The following PLCB1 variants were observed in gnomAD, a reference collection of about 807,000 sequenced individuals.
The protein encoded by PLCB1 is 1-phosphatidylinositol 4,5-bisphosphate phosphodiesterase beta-1.
Under a neutral mutation model 161.8 loss-of-function variants are expected in PLCB1, and 46 were observed. The observed-to-expected ratio is 0.28, with a 90% CI of 0.22 to 0.36. The LOEUF (loss-of-function observed/expected upper bound fraction) is 0.36. PLCB1 is among the 10% of genes least tolerant of loss of function. The probability of loss-of-function intolerance (pLI) is 1.00; values close to 1 mark genes in which losing one functional copy is unlikely to be tolerated. For missense variants in PLCB1, 1,016 were observed against 1,472.5 expected, an observed-to-expected ratio of 0.69 and a Z score of 5.07; for synonymous variants, 517 against 503.7, an observed-to-expected ratio of 1.03 and a Z score of -0.35.
intron 2 of PLCB1, among the ~76,000 whole-genome samples, chr20:8,176,500 G>A (rs776407837): frequency 2.6e-5 from 4 of 152,190 alleles, no homozygotes; most frequent in Admixed American, 1.3e-4. Context: ...CAGGGAGGGA[G>A]GCTGCTGTAG....
intron 3 of PLCB1, among the ~76,000 whole-genome samples, chr20:8,587,121 G>A (rs1366490290): frequency 6.6e-6 from 1 of 151,696 alleles, no homozygotes; most frequent in Admixed American, 6.6e-5. Context: ...AAATTGTAAG[G>A]GCAAAAATGA....
At chr20:8,162,338 T>C (rs537877791) in intron 2 of PLCB1, among the ~76,000 whole-genome samples, 1 of 152,334 alleles carries the variant, frequency 6.6e-6, no homozygotes, top group South Asian at 2.1e-4. Context: ...AATGACCTTA[T>C]ATAACTATTT....
chr20:8,581,780 T>C (rs1344397667), intron 3 of PLCB1, among the ~76,000 whole-genome samples: 1 of 152,118 alleles, frequency 6.6e-6, no homozygotes, highest in Admixed American at 6.5e-5. Flanking sequence ...AGCTATTGAG[T>C]ATTTCTACTC....
Position 8,732,514 on chromosome 20 carries a change from CATTATATTCTAATATATTGTATTAGAT to C in PLCB1, c.1889-668_1889-642del, listed in dbSNP as rs1217163318. On this transcript the variant is annotated intron_variant, in intron 18 of 31. Transcript: ENST00000338037. ...TGCCCAAAAGGGGAATGGTTAAATA[CATTATATTCTAATATATTGTATTAGAT>C]ATTATATTCTAATATATTGTATTAG... 6.2e-3 allele frequency among the ~76,000 whole-genome samples: 921 copies of C among 147,926 alleles called. 9 individuals carry two copies. The highest frequency in any genetic ancestry group is 0.021 in the African/African-American group (846 of 40,646).
chr20:8,870,872 A>C (rs1987584962), intron 31 of PLCB1, among the ~76,000 whole-genome samples: 1 of 152,242 alleles, frequency 6.6e-6, no homozygotes, highest in Non-Finnish European at 1.5e-5. Flanking sequence ...GTTGTTGAGG[A>C]AGGAAGAGAA....
At chr20:8,333,759 T>C (rs1985456897) in intron 2 of PLCB1, among the ~76,000 whole-genome samples, 1 of 152,236 alleles carries the variant, frequency 6.6e-6, no homozygotes, top group Non-Finnish European at 1.5e-5. Context: ...TTGTGACATG[T>C]AGTTCAATTC....
chr20:8,477,785 G>A (rs575712936), intron 3 of PLCB1, among the ~76,000 whole-genome samples: 3 of 152,310 alleles, frequency 2.0e-5, no homozygotes, highest in South Asian at 2.1e-4. Flanking sequence ...TCACCAGGGC[G>A]ATGGCGCCAA....
At chr20:8,741,318 G>A in intron 22 of PLCB1, 146 bp from the exon 23 acceptor site, 3 of 601,242 alleles carry the variant, frequency 5.0e-6, no homozygotes, top group Non-Finnish European at 9.1e-6. Context: ...ATAATGACTG[G>A]GTGGATGGAT....
intron 1 of PLCB1, among the ~76,000 whole-genome samples, chr20:8,140,758 G>C (rs1370920921): frequency 1.3e-5 from 2 of 151,878 alleles, no homozygotes; most frequent in Non-Finnish European, 2.9e-5. Context: ...CCCCGAACAG[G>C]GTCCTTTTAG....
At chr20:8,878,539 C>A (rs1987858170) in intron 31 of PLCB1, among the ~76,000 whole-genome samples, 1 of 151,744 alleles carries the variant, frequency 6.6e-6, no homozygotes, top group Admixed American at 6.6e-5. Flanking sequence ...TCCATCATAG[C>A]CACATGAGTC....
chr20:8,482,370 G>A (rs934871537), intron 3 of PLCB1, among the ~76,000 whole-genome samples: 15 of 152,012 alleles, frequency 9.9e-5, no homozygotes, highest in Admixed American at 8.5e-4. Context: ...CCAAAGTGGT[G>A]GGATTATAGG....
intron 26 of PLCB1, among the ~76,000 whole-genome samples, chr20:8,767,758 T>C (rs1025364185): frequency 2.0e-5 from 3 of 152,202 alleles, no homozygotes; most frequent in Non-Finnish European, 2.9e-5. Context: ...TAGCATTTCA[T>C]TGAGTGTCAA....
At chr20:8,791,813 C>T (rs1418867749) in intron 31 of PLCB1, among the ~76,000 whole-genome samples, 1 of 152,144 alleles carries the variant, frequency 6.6e-6, no homozygotes, top group Non-Finnish European at 1.5e-5. Context: ...AAATCAACCT[C>T]AGTAAATGTG....
At chr20:8,506,731 T>C (rs1983651595) in intron 3 of PLCB1, among the ~76,000 whole-genome samples, 2 of 152,182 alleles carry the variant, frequency 1.3e-5, no homozygotes, top group African/African-American at 4.8e-5. Context: ...TATAAAAAGA[T>C]TGACCCTTTA....
At chr20:8,281,895 G>A (rs1304425678) in intron 2 of PLCB1, among the ~76,000 whole-genome samples, 1 of 151,770 alleles carries the variant, frequency 6.6e-6, no homozygotes, top group African/African-American at 2.4e-5. Context: ...TTTTATTTGT[G>A]TGCACTTCTA....
At chr20:8,794,673 G>A (rs1410283526) in intron 31 of PLCB1, among the ~76,000 whole-genome samples, 1 of 152,124 alleles carries the variant, frequency 6.6e-6, no homozygotes, top group Non-Finnish European at 1.5e-5. Context: ...TGTCTTAACA[G>A]GGAGGAAGCT....
chr20:8,694,831 C>T (rs113801704), intron 10 of PLCB1, among the ~76,000 whole-genome samples: 1,863 of 152,176 alleles, frequency 0.012, 43 homozygotes, highest in African/African-American at 0.043. Context: ...TCTTTAATAC[C>T]GGTGCAATTT....
intron 3 of PLCB1, among the ~76,000 whole-genome samples, chr20:8,577,898 A>G (rs1051910885): frequency 2.0e-5 from 3 of 152,160 alleles, no homozygotes; most frequent in Non-Finnish European, 4.4e-5. Flanking sequence ...TCTGTATACC[A>G]GATTCTCATT....
intron 3 of PLCB1, among the ~76,000 whole-genome samples, chr20:8,398,444 ACAGTT>A: frequency 6.6e-6 from 1 of 152,132 alleles, no homozygotes; most frequent in East Asian, 1.9e-4. Flanking sequence ...AACATTACCC[ACAGTT>A]CTGGAGGCTG....
Sources: allele counts gnomAD v4.1 joint callset (sites outside exome capture counted in the v4.1 genomes callset), GRCh38; gene constraint gnomAD v4.1.1; transcripts MANE v1.5; gene names NCBI Gene and HGNC (gene_info 2026-07-23, HGNC 2026-07-21).